The following SGCZ variants were observed in gnomAD, a reference collection of about 807,000 sequenced individuals.
The protein encoded by SGCZ is zeta-sarcoglycan.
Under a neutral mutation model 41.3 loss-of-function variants are expected in SGCZ, and 40 were observed. The ratio of observed to expected loss-of-function variants is 0.97; its 90% CI spans 0.75 to 1.26. The LOEUF (loss-of-function observed/expected upper bound fraction) is 1.26, where lower values mean the gene tolerates loss of function less well. Among genes scored for constraint, SGCZ ranks in the 50% most tolerant of loss-of-function variants. SGCZ has a pLI of 0.00. For synonymous variants in SGCZ, 206 were observed against 137.5 expected (o/e 1.50, Z -3.49); for missense variants, 552 against 369.8 (o/e 1.49, Z -4.04).
At chr8:15,184,897 C>T (rs890109929) in intron 1 of SGCZ, among the ~76,000 whole-genome samples, 10 of 151,994 alleles carry the variant, frequency 6.6e-5, no homozygotes, top group African/African-American at 2.4e-4. Flanking sequence ...AAATTCCCAC[C>T]AAAATTCTAG....
intron 3 of SGCZ, among the ~76,000 whole-genome samples, chr8:14,291,193 C>A (rs1041114998): frequency 1.3e-5 from 2 of 151,894 alleles, no homozygotes; most frequent in Admixed American, 6.6e-5. Context: ...TAAATAGGCA[C>A]AAAGCTACAG....
chr8:15,076,652 A>C (rs1284365230), intron 1 of SGCZ, among the ~76,000 whole-genome samples: 1 of 152,006 alleles, frequency 6.6e-6, no homozygotes, highest in Non-Finnish European at 1.5e-5. Context: ...ACCAATCCCA[A>C]ACCAGCCAGA....
intron 1 of SGCZ, among the ~76,000 whole-genome samples, chr8:15,013,862 A>G (rs780221584): frequency 3.3e-5 from 5 of 152,238 alleles, no homozygotes; most frequent in Non-Finnish European, 5.9e-5. Context: ...TGGGAAGCAT[A>G]GAGACAAAGC....
chr8:14,649,988 G>C (rs1335860029), intron 1 of SGCZ, among the ~76,000 whole-genome samples: 1 of 152,038 alleles, frequency 6.6e-6, no homozygotes, highest in Non-Finnish European at 1.5e-5. Flanking sequence ...GAGATCAGAA[G>C]GAGTGACATC....
rs75747748 is a variant in SGCZ at position 14,457,706 on chromosome 8, C to G, written c.234+97026G>C. On this transcript the variant is annotated intron_variant, in intron 2 of 7. Coordinates refer to ENST00000382080, the MANE Select transcript of SGCZ (RefSeq NM_139167.4). The stretch of plus-strand genomic sequence containing the variant: ...GGGTAAGCTGTCTTTCTCTTTGTCT[C>G]CTCTCCCTCTCTGCCTCGGCTGCCA... 7.9e-5 allele frequency among the ~76,000 whole-genome samples: 12 copies of G among 152,298 alleles called. No individual in the cohort carries two copies. The East Asian group carries it at 2.3e-3, about 29-fold the overall frequency.
At position 14,446,099 on chromosome 8, in the gene SGCZ, C is replaced by A. The variant is rs116045063; in HGVS notation, c.234+108633G>T. On this transcript the variant is annotated intron_variant, in intron 2 of 7. Transcript: ENST00000382080. Reference sequence around the variant, plus strand: ...GAATCAGTTGTGCCATTTTTTCGTACCCAAGTAAGTCATAGTCAATAAGTC... The same window carrying A: ...GAATCAGTTGTGCCATTTTTTCGTAACCAAGTAAGTCATAGTCAATAAGTC... 4.7e-3 allele frequency among the ~76,000 whole-genome samples: 709 copies of A among 152,198 alleles called. 5 individuals carry two copies. Among genetic ancestry groups the A allele is most frequent in the African/African-American group, 0.016 (662 of 41,532 alleles).
At chr8:14,725,575 A>C (rs540219863) in intron 1 of SGCZ, among the ~76,000 whole-genome samples, 1 of 152,314 alleles carries the variant, frequency 6.6e-6, no homozygotes, top group Non-Finnish European at 1.5e-5. Flanking sequence ...GAATAAAAAT[A>C]ATGAGAAGCA....
intron 2 of SGCZ, among the ~76,000 whole-genome samples, chr8:14,473,633 A>G (rs1801272895): frequency 1.3e-5 from 2 of 152,234 alleles, no homozygotes; most frequent in Non-Finnish European, 1.5e-5. Flanking sequence ...TTATATGTCA[A>G]CAGAAGTAAA....
intron 1 of SGCZ, among the ~76,000 whole-genome samples, chr8:14,712,086 T>C (rs556823106): frequency 6.6e-6 from 1 of 152,200 alleles, no homozygotes; most frequent in Non-Finnish European, 1.5e-5. Flanking sequence ...CTGGCCAACA[T>C]GGCGAATCCT....
intron 1 of SGCZ, among the ~76,000 whole-genome samples, chr8:14,798,046 G>C (rs781442835): frequency 6.6e-6 from 1 of 152,204 alleles, no homozygotes; most frequent in African/African-American, 2.4e-5. Context: ...CTCCTGCTAG[G>C]GCAGTGCAGA....
intron 1 of SGCZ, among the ~76,000 whole-genome samples, chr8:14,727,716 G>C (rs1585213362): frequency 6.6e-6 from 1 of 151,948 alleles, no homozygotes; most frequent in African/African-American, 2.4e-5. Context: ...GTTGCACCGT[G>C]TCAGCCAGGA....
At chr8:15,196,599 G>A (rs996579475) in intron 1 of SGCZ, among the ~76,000 whole-genome samples, 12 of 151,130 alleles carry the variant, frequency 7.9e-5, no homozygotes, top group Non-Finnish European at 1.0e-4. Flanking sequence ...CTAAAATGTA[G>A]TGACTACAAA....
intron 1 of SGCZ, among the ~76,000 whole-genome samples, chr8:14,557,643 G>C (rs907400211): frequency 1.3e-5 from 2 of 151,880 alleles, no homozygotes; most frequent in Non-Finnish European, 2.9e-5. Context: ...TCCTACACAT[G>C]GCTTGCCAAT....
chr8:14,231,529 C>G (rs1027006259), intron 4 of SGCZ, among the ~76,000 whole-genome samples: 2 of 151,770 alleles, frequency 1.3e-5, no homozygotes, highest in Non-Finnish European at 2.9e-5. Context: ...AAGACACACA[C>G]ACACCATGTC....
At chr8:14,425,715 C>A (rs548787308) in intron 2 of SGCZ, among the ~76,000 whole-genome samples, 1 of 152,068 alleles carries the variant, frequency 6.6e-6, no homozygotes, top group South Asian at 2.1e-4. Context: ...CTTACTTATA[C>A]AATTTTGCTA....
At chr8:14,993,372 G>T (rs1258374585) in intron 1 of SGCZ, among the ~76,000 whole-genome samples, 3 of 151,944 alleles carry the variant, frequency 2.0e-5, no homozygotes, top group Non-Finnish European at 2.9e-5. Context: ...CTAGGAATGG[G>T]GCTTGAGCAG....
chr8:15,156,617 C>T (rs1025550864), intron 1 of SGCZ, among the ~76,000 whole-genome samples: 1 of 152,164 alleles, frequency 6.6e-6, no homozygotes, highest in African/African-American at 2.4e-5. Flanking sequence ...TTCCTCAAAG[C>T]TCCTTATCTT....
intron 1 of SGCZ, among the ~76,000 whole-genome samples, chr8:15,189,513 G>A (rs1349370516): frequency 6.6e-6 from 1 of 152,036 alleles, no homozygotes; most frequent in Non-Finnish European, 1.5e-5. Context: ...TCACGCTCAA[G>A]GGACTCTTTG....
Position 14,089,455 on chromosome 8 carries a change from T to A in SGCZ, c.*988A>T, listed in dbSNP as rs1323815595. Among the ~76,000 whole-genome samples the A allele has an allele frequency of 6.6e-6, 1 of 152,038 alleles. No homozygotes were observed. The highest frequency in any genetic ancestry group is 6.6e-5 in the Admixed American group (1 of 15,230). ...GAGAATTTATTCTCAGCATTATGCA[T>A]CATATTAGTATTATTTATTTAGAAG... is the stretch of plus-strand genomic sequence containing the variant. On this transcript the variant is annotated 3_prime_UTR_variant, in exon 8 of 8. Coordinates refer to ENST00000382080, the MANE Select transcript of SGCZ (RefSeq NM_139167.4).
Sources: gnomAD v4.1 joint callset for allele counts (sites outside exome capture counted in the v4.1 genomes callset) on GRCh38, gnomAD v4.1.1 for gene constraint, MANE v1.5 for transcripts, NCBI Gene and HGNC (gene_info 2026-07-23, HGNC 2026-07-21) for gene names.